The following GPR83 variants were observed in gnomAD, a reference collection of about 807,000 sequenced individuals.
The protein encoded by GPR83 is G protein-coupled receptor 83.
In GPR83, 23 loss-of-function variants were observed where a neutral mutation model predicts 28.0. The observed-to-expected ratio is 0.82, with a 90% confidence interval of 0.59 to 1.16. The LOEUF is 1.16. GPR83 is among the 50% of genes most tolerant of loss of function. GPR83 has a pLI of 0.00. For synonymous variants in GPR83, 234 were observed against 215.4 expected (o/e 1.09, Z -0.76); for missense variants, 610 against 536.6 (o/e 1.14, Z -1.35).
intron 1 of GPR83, among the ~76,000 whole-genome samples, chr11:94,400,584 G>A (rs1944902448): frequency 6.6e-6 from 1 of 150,790 alleles, no homozygotes; most frequent in African/African-American, 2.4e-5. Context: ...GAGAGATAGA[G>A]AAGAGAGACA....
At position 94,401,307 on chromosome 11, in the gene GPR83, T is replaced by A. The variant is rs1330017822; in HGVS notation, c.-60A>T. On this transcript the variant is annotated 5_prime_UTR_variant, in exon 1 of 4. Coordinates refer to ENST00000243673, the MANE Select transcript of GPR83 (RefSeq NM_016540.4). ...GGCCGGGCGTCCCCTCCCGCTGGGA[T>A]CGGAGCGCGCAGCCGGGGTGCGGGG... is the stretch of plus-strand genomic sequence containing the variant. 6 of 1,477,844 alleles carry A rather than the reference T, an allele frequency of 4.1e-6. No homozygotes were observed. The highest frequency in any genetic ancestry group is 2.7e-6 in the Non-Finnish European group (3 of 1,115,592). The allele number at this position is 1,477,844 out of a possible 1,614,324, so 91.5% of individuals were successfully genotyped here.
chr11:94,380,832 A>G, intron 3 of GPR83, 59 bp from the exon 4 acceptor site: 1 of 1,474,950 alleles, frequency 6.8e-7, no homozygotes, highest in Non-Finnish European at 9.2e-7. Flanking sequence ...TTAGTGTGGA[A>G]AGGCTTCATC....
chr11:94,377,456 G>A lies in GPR83; in HGVS notation c.*2693C>T, dbSNP rs572590845. On this transcript the variant is annotated 3_prime_UTR_variant, in exon 4 of 4. Transcript: ENST00000243673. ...TTGCTCAAAGTCACACACGGACCTCGGGGAAGGGACAGATCTAATGAGCCA... is the reference window on the plus strand; with the variant it reads ...TTGCTCAAAGTCACACACGGACCTCAGGGAAGGGACAGATCTAATGAGCCA... The A allele has an allele frequency of 1.3e-5, 2 of 152,258 alleles. No individual in the cohort carries two copies. Among genetic ancestry groups the A allele is most frequent in the African/African-American group, 2.4e-5 (1 of 41,548 alleles). 9.4% of individuals were successfully genotyped at this position (152,258 alleles called of 1,614,324 possible).
Position 94,401,182 on chromosome 11 carries a change from G to A in GPR83, c.66C>T (p.Gly22=), listed in dbSNP as rs780744409. 1 of 1,613,596 alleles carries A rather than the reference G, an allele frequency of 6.2e-7. No individual in the cohort carries two copies. ...CCTCCGCGCTCTGCTCGTCGGCCCG[G>A]CCCTCGTGGGGCTCGGTGGCTCGCA... ...PLVRATEPHE[G]RADEQSAEAA... The change falls in exon 1 of 4, where the codon GGC becomes GGT. Residue 22 remains glycine (G), a synonymous_variant. Coordinates refer to ENST00000243673, the MANE Select transcript of GPR83 (RefSeq NM_016540.4).
chr11:94,381,558 A>AATGTGT (rs1944688989), intron 3 of GPR83, among the ~76,000 whole-genome samples: 1 of 148,054 alleles, frequency 6.8e-6, no homozygotes, highest in South Asian at 2.2e-4. Context: ...GGAGTGAGTG[A>AATGTGT]GTGTGTGTGT....
At chr11:94,389,754 C>A (rs1944796400) in intron 3 of GPR83, among the ~76,000 whole-genome samples, 1 of 152,190 alleles carries the variant, frequency 6.6e-6, no homozygotes, top group South Asian at 2.1e-4. Context: ...CTGTGGAAGT[C>A]AGTGTGGCGA....
At chr11:94,396,171 G>C (rs1031159540) in intron 2 of GPR83, among the ~76,000 whole-genome samples, 4 of 152,202 alleles carry the variant, frequency 2.6e-5, no homozygotes, top group Non-Finnish European at 5.9e-5. Context: ...AGTGAGTCGA[G>C]ATGGTGCCAC....
intron 1 of GPR83, among the ~76,000 whole-genome samples, chr11:94,397,070 T>A (rs534136813): frequency 6.6e-6 from 1 of 152,292 alleles, no homozygotes; most frequent in South Asian, 2.1e-4. Flanking sequence ...GGGAGACATA[T>A]CTGAATTGTC....
chr11:94,391,099 C>G (rs968573498), intron 3 of GPR83, among the ~76,000 whole-genome samples: 2 of 152,172 alleles, frequency 1.3e-5, no homozygotes, highest in African/African-American at 2.4e-5. Context: ...GTAACCAAAA[C>G]AGCATGTTGC....
intron 3 of GPR83, among the ~76,000 whole-genome samples, chr11:94,387,141 C>T (rs776119873): frequency 2.6e-5 from 4 of 152,190 alleles, no homozygotes; most frequent in African/African-American, 7.2e-5. Flanking sequence ...AGAACAAAGA[C>T]ACAACATACC....
chr11:94,391,682 CAGA>C (rs1333703983), intron 3 of GPR83, among the ~76,000 whole-genome samples: 8 of 152,194 alleles, frequency 5.3e-5, no homozygotes, highest in Non-Finnish European at 8.8e-5. Context: ...AGACACTTCT[CAGA>C]AGAAGACATT....
chr11:94,393,233 T>G (rs1247879561), intron 3 of GPR83, among the ~76,000 whole-genome samples: 1 of 152,180 alleles, frequency 6.6e-6, no homozygotes, highest in Non-Finnish European at 1.5e-5. Flanking sequence ...TGATAATTAT[T>G]GCTTTGTCCT....
In GPR83 at chr11:94,401,347, G is replaced by T. The variant is rs12791316; in HGVS notation, c.-100C>A. 8.9e-6 allele frequency: 11 copies of T among 1,240,820 alleles called. No individual in the cohort carries two copies. Among genetic ancestry groups the T allele is most frequent in the Admixed American group, 5.9e-5 (2 of 34,118 alleles). The allele number at this position is 1,240,820 out of a possible 1,614,324, so 76.9% of individuals were successfully genotyped here. A position where few individuals can be genotyped will look rare whatever the true frequency, so the allele number is the denominator to read the frequency against. ...GGGGTGCGGGGCGCACAGCATACAAGGCCGTCCCGAGGAGCCAGGGAGCCC... is the reference window on the plus strand; with the variant it reads ...GGGGTGCGGGGCGCACAGCATACAATGCCGTCCCGAGGAGCCAGGGAGCCC... On this transcript the variant is annotated 5_prime_UTR_variant, in exon 1 of 4. Transcript: ENST00000243673.
At position 94,400,931 on chromosome 11, in the gene GPR83, G is replaced by T. The variant is rs775732376; in HGVS notation, c.317C>A (p.Thr106Asn). 6.2e-7 allele frequency: 1 copy of T among 1,614,096 alleles called. No individual in the cohort carries two copies. Among genetic ancestry groups the T allele is most frequent in the South Asian group, 1.1e-5 (1 of 91,078 alleles). Residue 106 changes from threonine (T) to asparagine (N), a missense_variant, in exon 1 of 4, where the codon ACC becomes AAC. Coordinates refer to ENST00000243673, the MANE Select transcript of GPR83 (RefSeq NM_016540.4). ...TGCCAGGTTGACGATGAAGAGGCTGGTGGCCGAGTGCATTCGCTGGTTCTT... is the reference window on the plus strand; with the variant it reads ...TGCCAGGTTGACGATGAAGAGGCTGTTGGCCGAGTGCATTCGCTGGTTCTT... ...IFKNQRMHSA[T>N]SLFIVNLAVA...
intron 2 of GPR83, among the ~76,000 whole-genome samples, chr11:94,396,037 T>A (rs1211105462): frequency 6.6e-6 from 1 of 152,118 alleles, no homozygotes; most frequent in Non-Finnish European, 1.5e-5. Context: ...CTGGCCGACA[T>A]GGCAAAACCC....
chr11:94,390,258 A>T (rs1817636398), intron 3 of GPR83, among the ~76,000 whole-genome samples: 1 of 152,092 alleles, frequency 6.6e-6, no homozygotes, highest in Non-Finnish European at 1.5e-5. Context: ...AACATGGCAC[A>T]TGTATACACA....
chr11:94,393,102 A>T (rs1944832996), intron 3 of GPR83, among the ~76,000 whole-genome samples: 1 of 152,214 alleles, frequency 6.6e-6, no homozygotes, highest in African/African-American at 2.4e-5. Flanking sequence ...CCTCAGGCTC[A>T]GGCATGCATG....
Position 94,380,783 on chromosome 11 carries a change from G to GGAAGT in GPR83, c.648-15_648-11dup, listed in dbSNP as rs761663619. On this transcript the variant is annotated splice_polypyrimidine_tract_variant and intron_variant, in intron 3 of 3. Coordinates refer to ENST00000243673, the MANE Select transcript of GPR83 (RefSeq NM_016540.4). ...GCGCACAATGTCCTCACTGGGGGCAGGAAGTGGGGAGGGGGAGAGAGGTAA... is the reference window on the plus strand; with the variant it reads ...GCGCACAATGTCCTCACTGGGGGCAGGAAGTGAAGTGGGGAGGGGGAGAGAGGTAA... 1.1e-5 allele frequency: 17 copies of GGAAGT among 1,599,604 alleles called. No individual in the cohort carries two copies. The African/African-American group carries it at 2.1e-4, about 20-fold the overall frequency.
intron 3 of GPR83, among the ~76,000 whole-genome samples, chr11:94,386,886 A>G (rs1944762562): frequency 6.6e-6 from 1 of 152,226 alleles, no homozygotes. Flanking sequence ...TCTTCTCAGC[A>G]CCACAGTGCA....
Sources: allele counts gnomAD v4.1 joint callset (sites outside exome capture counted in the v4.1 genomes callset), GRCh38; gene constraint gnomAD v4.1.1; transcripts MANE v1.5; gene names NCBI Gene and HGNC (gene_info 2026-07-23, HGNC 2026-07-21).